NIPBL: variants seen among roughly 807,000 people sequenced by gnomAD.
NIPBL encodes the protein nipped-B-like protein.
Under a neutral mutation model 321.8 loss-of-function variants are expected in NIPBL, and 19 were observed. The observed-to-expected ratio is 0.06, with a 90% confidence interval of 0.04 to 0.09. The LOEUF is 0.09. NIPBL is among the 10% of genes least tolerant of loss of function. The pLI, the probability that NIPBL is intolerant of heterozygous loss-of-function variation, is 1.00. For missense variants in NIPBL, 2,210 were observed against 3,327.0 expected, an observed-to-expected ratio of 0.66 and a Z score of 8.26; for synonymous variants, 1,106 against 1,114.1, an observed-to-expected ratio of 0.99 and a Z score of 0.14.
intron 36 of NIPBL, 96 bp downstream of exon 36, chr5:37,044,825 A>G (rs1421636441): frequency 5.9e-6 from 5 of 845,050 alleles, no homozygotes; most frequent in Non-Finnish European, 1.0e-5. Context: ...GACTCGAGGA[A>G]ATTATGAGGT....
At chr5:36,943,055 T>G (rs1009204031) in intron 1 of NIPBL, among the ~76,000 whole-genome samples, 1 of 152,162 alleles carries the variant, frequency 6.6e-6, no homozygotes, top group Admixed American at 6.5e-5. Context: ...CTTCAAATTT[T>G]TGTTGTATTT....
intron 10 of NIPBL, chr5:36,995,365 ATTATATAATTACCC>A: frequency 3.1e-6 from 1 of 321,360 alleles, no homozygotes; most frequent in East Asian, 6.1e-5. Context: ...TCAAAAATGT[ATTATATAATTACCC>A]TTCATTTTTA....
chr5:37,026,735 A>T (rs77377332), intron 31 of NIPBL, among the ~76,000 whole-genome samples: 1 of 152,122 alleles, frequency 6.6e-6, no homozygotes, highest in Non-Finnish European at 1.5e-5. Flanking sequence ...TGTGTTTTTA[A>T]TATAAGAAAT....
Position 36,985,852 on chromosome 5 carries a change from A to T in NIPBL, c.2672A>T (p.Asp891Val). Residue 891 changes from aspartate to valine, a missense_variant, in exon 10 of 47, where the codon GAC becomes GTC. Physicochemically the swap from Asp to Val is radical, Grantham distance 152 (BLOSUM62 -3). Transcript: ENST00000282516. ...TCTGGGGAACAAAAATCAAGACCTG[A>T]CAGTCCTCGTGTTAAACAAGGAGAT... ...PSSGEQKSRP[D>V]SPRVKQGDSN... The T allele has an allele frequency of 1.2e-6, 2 of 1,613,914 alleles. No individual in the cohort carries two copies. Among genetic ancestry groups the T allele is most frequent in the Non-Finnish European group, 1.7e-6 (2 of 1,179,950 alleles).
intron 1 of NIPBL, among the ~76,000 whole-genome samples, chr5:36,901,200 A>G (rs147979264): frequency 7.7e-4 from 117 of 152,100 alleles, no homozygotes; most frequent in African/African-American, 2.3e-3. Context: ...GCAGTATTTG[A>G]TTTTTTTGTT....
intron 7 of NIPBL, 127 bp from the exon 8 acceptor site, chr5:36,971,818 A>T: frequency 6.7e-7 from 1 of 1,487,174 alleles, no homozygotes; most frequent in Non-Finnish European, 9.0e-7. Flanking sequence ...GAAAGTGCAG[A>T]AGAATTATGC....
rs727503769 is a variant in NIPBL, at chr5:37,008,623, G to A, written c.4321G>A (p.Val1441Ile). The A allele has an allele frequency of 4.3e-6, 6 of 1,380,562 alleles. No individual in the cohort carries two copies. Among genetic ancestry groups the A allele is most frequent in the South Asian group, 1.2e-5 (1 of 86,030 alleles). The allele number at this position is 1,380,562 out of a possible 1,614,324, so 85.5% of individuals were successfully genotyped here. The part of the protein sequence containing the change: ...QLCAIKLVTA[V>I]FSRYEKHRQL... ...TTGGAATCTTATAATTACTAAACAGGTATTCTCAAGATATGAAAAACATAG... is the reference window on the plus strand; with the variant it reads ...TTGGAATCTTATAATTACTAAACAGATATTCTCAAGATATGAAAAACATAG... Residue 1441 changes from valine to isoleucine, a missense_variant and splice_region_variant, in exon 20 of 47, where the codon GTA becomes ATA. Transcript: ENST00000282516.
Position 36,876,812 on chromosome 5 carries a change from A to C in NIPBL, c.-446A>C, listed in dbSNP as rs987668784. Reference sequence around the variant, plus strand: ...GAGACGGAACGAGAGAGAGACACACACAGGGCTCCTTCCCCCCGCCCTCCC... The same window carrying C: ...GAGACGGAACGAGAGAGAGACACACCCAGGGCTCCTTCCCCCCGCCCTCCC... On this transcript the variant is annotated 5_prime_UTR_variant, in exon 1 of 47. Coordinates refer to ENST00000282516, the MANE Select transcript of NIPBL (RefSeq NM_133433.4). The C allele has an allele frequency of 1.8e-5, 7 of 392,774 alleles. No individual in the cohort carries two copies. Among genetic ancestry groups the C allele is most frequent in the Non-Finnish European group, 2.7e-5 (6 of 222,430 alleles). 24.3% of individuals were successfully genotyped at this position (392,774 alleles called of 1,614,324 possible). A position where few individuals can be genotyped will look rare whatever the true frequency, so the allele number is the denominator to read the frequency against.
At chr5:36,971,145 G>A (rs2149620373) in intron 7 of NIPBL, 109 bp downstream of exon 7, 1 of 878,656 alleles carries the variant, frequency 1.1e-6, no homozygotes, top group Non-Finnish European at 1.9e-6. Flanking sequence ...TCATTATACT[G>A]GGTACTGAGT....
chr5:37,023,750 CTTT>C (rs779595045), intron 29 of NIPBL, among the ~76,000 whole-genome samples: 4 of 75,858 alleles, frequency 5.3e-5, no homozygotes, highest in African/African-American at 1.0e-4. Context: ...TTTTCTTATT[CTTT>C]TTTTTTTTTT....
In NIPBL at chr5:36,941,563, A is replaced by G. The variant is rs116242226; in HGVS notation, c.-79-12055A>G. ...ATGCTGTTTGGAGAGTTTCAGGTTT[A>G]ATTAAAGAGTTTGTTCAGGTGTTTT... On this transcript the variant is annotated intron_variant, in intron 1 of 46. Coordinates refer to ENST00000282516, the MANE Select transcript of NIPBL (RefSeq NM_133433.4). Among the ~76,000 whole-genome samples the G allele has an allele frequency of 8.1e-3, 1,227 of 150,710 alleles. 12 individuals carry two copies. Among genetic ancestry groups the G allele is most frequent in the African/African-American group, 0.028 (1,165 of 41,240 alleles).
At chr5:36,991,225 A>G (rs893772170) in intron 10 of NIPBL, among the ~76,000 whole-genome samples, 4 of 152,100 alleles carry the variant, frequency 2.6e-5, no homozygotes, top group Non-Finnish European at 4.4e-5. Flanking sequence ...AAAACCCTGA[A>G]TAAGCCTTAA....
intron 10 of NIPBL, among the ~76,000 whole-genome samples, chr5:36,993,928 C>T (rs1745837591): frequency 6.6e-6 from 1 of 152,024 alleles, no homozygotes; most frequent in Non-Finnish European, 1.5e-5. Flanking sequence ...TATATATGTA[C>T]TCAATATTAT....
rs575501561 is a variant in NIPBL at position 37,036,284 on chromosome 5, A to G, written c.5863-95A>G. 2.0e-3 allele frequency: 551 copies of G among 272,258 alleles called. 1 individual carries two copies. The highest frequency in any genetic ancestry group is 2.8e-3 in the Non-Finnish European group (404 of 146,454). The allele number at this position is 272,258 out of a possible 1,614,324, so 16.9% of individuals were successfully genotyped here. A position where few individuals can be genotyped will look rare whatever the true frequency, so the allele number is the denominator to read the frequency against. On this transcript the variant is annotated intron_variant, in intron 32 of 46. Coordinates refer to ENST00000282516, the MANE Select transcript of NIPBL (RefSeq NM_133433.4). ...ACTTATGGACACTTTTAATGTGTTT[A>G]TATTATTATTGCCTAATGAATAATT...
chr5:36,923,060 G>A (rs568752203), intron 1 of NIPBL, among the ~76,000 whole-genome samples: 14 of 152,192 alleles, frequency 9.2e-5, no homozygotes, highest in East Asian at 1.9e-4. Flanking sequence ...AGGCCGAGGC[G>A]GGCGGATCAC....
intron 44 of NIPBL, among the ~76,000 whole-genome samples, chr5:37,060,084 A>C (rs1453750884): frequency 6.6e-6 from 1 of 152,218 alleles, no homozygotes; most frequent in Non-Finnish European, 1.5e-5. Flanking sequence ...ACCTGTCTCA[A>C]GTTTCCATAA....
At chr5:37,014,290 A>G (rs556618677) in intron 21 of NIPBL, among the ~76,000 whole-genome samples, 27 of 151,322 alleles carry the variant, frequency 1.8e-4, no homozygotes, top group Admixed American at 1.1e-3. Flanking sequence ...TTTCTGATGA[A>G]GGCTTTGAAT....
At chr5:36,899,084 C>T (rs879689030) in intron 1 of NIPBL, among the ~76,000 whole-genome samples, 3 of 151,990 alleles carry the variant, frequency 2.0e-5, no homozygotes, top group Non-Finnish European at 4.4e-5. Flanking sequence ...GCTGTATTTC[C>T]CAATTGTGAT....
Position 36,876,802 on chromosome 5 carries a change from A to C in NIPBL, c.-456A>C. 1 of 397,268 alleles carries C rather than the reference A, an allele frequency of 2.5e-6. No individual in the cohort carries two copies. Among genetic ancestry groups the C allele is most frequent in the Non-Finnish European group, 4.4e-6 (1 of 225,072 alleles). The allele number at this position is 397,268 out of a possible 1,614,324, so 24.6% of individuals were successfully genotyped here. On this transcript the variant is annotated 5_prime_UTR_variant, in exon 1 of 47. Coordinates refer to ENST00000282516, the MANE Select transcript of NIPBL (RefSeq NM_133433.4). ...CTGAGAGGGAGAGACGGAACGAGAG[A>C]GAGACACACACAGGGCTCCTTCCCC... is the stretch of plus-strand genomic sequence containing the variant.
Sources: gnomAD v4.1 joint callset for allele counts (sites outside exome capture counted in the v4.1 genomes callset) on GRCh38, gnomAD v4.1.1 for gene constraint, MANE v1.5 for transcripts, NCBI Gene and HGNC (gene_info 2026-07-23, HGNC 2026-07-21) for gene names.